The following SEMA4D variants were observed in gnomAD, a reference collection of about 807,000 sequenced individuals.
The protein encoded by SEMA4D is semaphorin-4D.
Under a neutral mutation model 74.8 loss-of-function variants are expected in SEMA4D, and 22 were observed. That is an observed-to-expected ratio of 0.29 (90% CI 0.21 to 0.42). The LOEUF is 0.42. Among genes scored for constraint, SEMA4D ranks in the 10% least tolerant of loss-of-function variants. SEMA4D has a pLI of 1.00. For missense variants in SEMA4D, 937 were observed against 1,118.4 expected (o/e 0.84, Z 2.31); for synonymous variants, 445 against 463.7 (o/e 0.96, Z 0.52).
At chr9:89,459,087 C>T (rs1028257881) in intron 1 of SEMA4D, among the ~76,000 whole-genome samples, 5 of 152,204 alleles carry the variant, frequency 3.3e-5, no homozygotes, top group Non-Finnish European at 5.9e-5. Flanking sequence ...CCTCCTTCCT[C>T]CTCAGCAGCT....
exon 19 of SEMA4D, chr9:89,361,268 G>A (rs1332990473): frequency 6.6e-6 from 1 of 152,182 alleles, no homozygotes; most frequent in African/African-American, 2.4e-5. Context: ...GAATTAGCAG[G>A]CGATGTATGC....
At chr9:89,489,393 C>T (rs1034416271) in intron 1 of SEMA4D, among the ~76,000 whole-genome samples, 18 of 152,134 alleles carry the variant, frequency 1.2e-4, no homozygotes, top group African/African-American at 3.1e-4. Flanking sequence ...CATTTTAAAG[C>T]GTATAATCCA....
intron 2 of SEMA4D, among the ~76,000 whole-genome samples, chr9:89,421,727 AAAGT>A (rs1847002162): frequency 6.6e-6 from 1 of 152,224 alleles, no homozygotes; most frequent in Non-Finnish European, 1.5e-5. Flanking sequence ...TGTTCAGTAA[AAAGT>A]AAGGTTCCCA....
chr9:89,443,132 C>A (rs1378149421), intron 2 of SEMA4D, among the ~76,000 whole-genome samples: 1 of 152,226 alleles, frequency 6.6e-6, no homozygotes, highest in Non-Finnish European at 1.5e-5. Flanking sequence ...CAGAGCCCAG[C>A]CCCATCAGGT....
Position 89,388,861 on chromosome 9 carries a change from A to G in SEMA4D, c.950+11T>C, listed in dbSNP as rs1839169370. ...GGGAGCAAGGAGGGGGACTCCACCC[A>G]GGGCACTTACAGCTGTGGGGTGAAG... On this transcript the variant is annotated intron_variant, in intron 10 of 15. Transcript: ENST00000422704. The G allele has an allele frequency of 6.2e-7, 1 of 1,612,566 alleles. No individual in the cohort carries two copies.
chr9:89,437,991 C>T (rs893681931), intron 2 of SEMA4D, among the ~76,000 whole-genome samples: 4 of 152,212 alleles, frequency 2.6e-5, no homozygotes, highest in Non-Finnish European at 5.9e-5. Flanking sequence ...TGGAAGATTT[C>T]TAATAACCTA....
downstream of SEMA4D, among the ~76,000 whole-genome samples, chr9:89,375,422 C>T (rs1203965393): frequency 6.6e-6 from 1 of 152,226 alleles, no homozygotes; most frequent in East Asian, 1.9e-4. Flanking sequence ...TCCATGCTCA[C>T]CGGCAGCTTC....
At chr9:89,390,491 G>A (rs559114662) in intron 9 of SEMA4D, among the ~76,000 whole-genome samples, 1 of 152,336 alleles carries the variant, frequency 6.6e-6, no homozygotes, top group East Asian at 1.9e-4. Context: ...TATGCAAGGG[G>A]CTGTTAAGGG....
chr9:89,363,810 A>G (rs1833138504), exon 17 of SEMA4D: 2 of 1,614,054 alleles, frequency 1.2e-6, no homozygotes, highest in South Asian at 1.1e-5. Context: ...GAGCAGCGAT[A>G]CTCAGCGCTT....
intron 18 of SEMA4D, chr9:89,363,376 G>GGGGCC: frequency 1.9e-6 from 3 of 1,598,852 alleles, no homozygotes; most frequent in Admixed American, 1.7e-5. Flanking sequence ...GATGTGGCAG[G>GGGGCC]TGCCCTGCCC....
At chr9:89,415,203 T>G (rs749213802) in intron 2 of SEMA4D, among the ~76,000 whole-genome samples, 14 of 152,182 alleles carry the variant, frequency 9.2e-5, no homozygotes, top group Non-Finnish European at 1.9e-4. Flanking sequence ...GGTGTGTGCA[T>G]GCATCCTTGG....
Position 89,461,700 on chromosome 9 carries a change from C to CTCTCTCTTTT in SEMA4D, c.-309-5748_-309-5747insAAAAGAGAGA, listed in dbSNP as rs71281350. Among the ~76,000 whole-genome samples, 50 of 103,646 alleles carry CTCTCTCTTTT rather than the reference C, an allele frequency of 4.8e-4. 1 individual carries two copies. The highest frequency in any genetic ancestry group is 2.6e-3 in the East Asian group (7 of 2,730). The allele number at this position is 103,646 out of a possible 152,430, so 68.0% of individuals were successfully genotyped here. A position where few individuals can be genotyped will look rare whatever the true frequency, so the allele number is the denominator to read the frequency against. ...GGGCCAATGTGTATTTCTTTTTTCT[C>CTCTCTCTTTT]TTTTTTTTTTTTTTTTTTTGGAGAC... is the stretch of plus-strand genomic sequence containing the variant. On this transcript the variant is annotated intron_variant, in intron 1 of 15. Transcript: ENST00000422704.
downstream of SEMA4D, chr9:89,376,944 C>A: frequency 6.4e-7 from 1 of 1,550,702 alleles, no homozygotes; most frequent in Non-Finnish European, 8.7e-7. Context: ...GGCCCCGCAC[C>A]CGAGGCTGGC....
chr9:89,390,425 A>C (rs1466131011), intron 9 of SEMA4D, among the ~76,000 whole-genome samples: 1 of 152,226 alleles, frequency 6.6e-6, no homozygotes. Flanking sequence ...AGGCCTGGGC[A>C]GGGAGCAAAG....
chr9:89,481,791 A>G (rs1385785383), intron 1 of SEMA4D, among the ~76,000 whole-genome samples: 3 of 152,224 alleles, frequency 2.0e-5, no homozygotes, highest in Non-Finnish European at 4.4e-5. Context: ...GGGAGTGGTG[A>G]GCAGGGGGCC....
intron 2 of SEMA4D, among the ~76,000 whole-genome samples, chr9:89,431,853 C>T (rs1849339590): frequency 6.6e-6 from 1 of 152,162 alleles, no homozygotes; most frequent in Admixed American, 6.5e-5. Context: ...CCCTAAAGCC[C>T]CCAGAGCACA....
chr9:89,470,533 C>T (rs887002870), intron 1 of SEMA4D, among the ~76,000 whole-genome samples: 16 of 152,126 alleles, frequency 1.1e-4, no homozygotes, highest in Non-Finnish European at 1.9e-4. Flanking sequence ...AATATGGTAC[C>T]GCCACACTAG....
intron 2 of SEMA4D, among the ~76,000 whole-genome samples, chr9:89,420,478 G>T (rs1407104446): frequency 6.6e-6 from 1 of 152,212 alleles, no homozygotes; most frequent in African/African-American, 2.4e-5. Context: ...CCCTCTCATG[G>T]CCTTCACATC....
At position 89,469,731 on chromosome 9, in the gene SEMA4D, A is replaced by G. The variant is rs555448162; in HGVS notation, c.-309-13778T>C. ...ACATCCATTCATGATAAAAGCTTTC[A>G]GCAAACTAAACCTAGAAGGGAACTC... On this transcript the variant is annotated intron_variant, in intron 1 of 15. Coordinates refer to ENST00000422704, the MANE Select transcript of SEMA4D (RefSeq NM_001371194.2). 2.0e-5 allele frequency among the ~76,000 whole-genome samples: 3 copies of G among 152,358 alleles called. No individual in the cohort carries two copies. The South Asian group carries it at 6.2e-4, about 32-fold the overall frequency.
Sources: gnomAD v4.1 joint callset for allele counts (sites outside exome capture counted in the v4.1 genomes callset) on GRCh38, gnomAD v4.1.1 for gene constraint, MANE v1.5 for transcripts, NCBI Gene and HGNC (gene_info 2026-07-23, HGNC 2026-07-21) for gene names.